The following ADAMTSL3 variants were observed in gnomAD, a reference collection of about 807,000 sequenced individuals.
The protein encoded by ADAMTSL3 is ADAMTS like 3, also known as ADAMTS-like protein 3.
A neutral mutation model predicts 201.7 loss-of-function variants in ADAMTSL3; 128 were observed. That is an observed-to-expected ratio of 0.63 (90% CI 0.55 to 0.73). The LOEUF (loss-of-function observed/expected upper bound fraction) is 0.73, where lower values mean the gene tolerates loss of function less well. Among genes scored for constraint, ADAMTSL3 ranks in the 30% least tolerant of loss-of-function variants. The probability of loss-of-function intolerance (pLI) is 0.00; values close to 1 mark genes in which losing one functional copy is unlikely to be tolerated. For missense variants in ADAMTSL3, 1,990 were observed against 2,119.6 expected, an observed-to-expected ratio of 0.94 and a Z score of 1.20; for synonymous variants, 738 against 748.4, an observed-to-expected ratio of 0.99 and a Z score of 0.23.
chr15:83,995,561 G>A (rs1337146462), intron 23 of ADAMTSL3, among the ~76,000 whole-genome samples: 1 of 151,890 alleles, frequency 6.6e-6, no homozygotes, highest in Non-Finnish European at 1.5e-5. Context: ...AGAAAAATTA[G>A]AACTAGAAAA....
intron 2 of ADAMTSL3, among the ~76,000 whole-genome samples, chr15:83,700,464 A>T (rs970678378): frequency 6.6e-6 from 1 of 152,198 alleles, no homozygotes; most frequent in African/African-American, 2.4e-5. Flanking sequence ...CTCTTTAGGT[A>T]TTTAAAATGA....
intron 7 of ADAMTSL3, among the ~76,000 whole-genome samples, chr15:83,847,617 T>A (rs914130138): frequency 6.6e-6 from 1 of 151,816 alleles, no homozygotes; most frequent in Non-Finnish European, 1.5e-5. Flanking sequence ...TGCCTCAGCC[T>A]CCTGAATAGC....
chr15:83,983,023 A>C lies in ADAMTSL3; in HGVS notation c.3395A>C (p.Gln1132Pro), dbSNP rs1217590795. 1.2e-6 allele frequency: 2 copies of C among 1,614,210 alleles called. No individual in the cohort carries two copies. The highest frequency in any genetic ancestry group is 3.3e-5 in the Admixed American group (2 of 60,032). The change falls in exon 21 of 30, where the codon CAG becomes CCG. Residue 1132 changes from glutamine (Q) to proline (P), a missense_variant. Transcript: ENST00000286744. ...CTGGTGGCCGAATTAGCCAAGGCACAGCCAACACACATGCAGTGGCGGGGC... is the reference window on the plus strand; with the variant it reads ...CTGGTGGCCGAATTAGCCAAGGCACCGCCAACACACATGCAGTGGCGGGGC... Reference protein sequence around the residue: ...YQLVAELAKAQPTHMQWRGIQ... With the variant: ...YQLVAELAKAPPTHMQWRGIQ...
rs35104757 is a variant in ADAMTSL3, at chr15:83,837,818, A to G, written c.601-271A>G. ...TCTTGTCTTGAAAAAAAAAAAAGAC[A>G]GAAATCTGAATAAAAATATAAATAG... On this transcript the variant is annotated intron_variant, in intron 6 of 29. Transcript: ENST00000286744. 0.17 allele frequency among the ~76,000 whole-genome samples: 24,959 copies of G among 151,126 alleles called. 2,206 individuals carry two copies. Among genetic ancestry groups the G allele is most frequent in the Middle Eastern group, 0.34 (98 of 288 alleles).
At chr15:83,687,579 T>TA (rs1343461405) in intron 2 of ADAMTSL3, among the ~76,000 whole-genome samples, 1 of 152,164 alleles carries the variant, frequency 6.6e-6, no homozygotes, top group Non-Finnish European at 1.5e-5. Context: ...CTGTCCTCTT[T>TA]TGCTTGCAAG....
chr15:83,963,733 C>A (rs1221102389), intron 19 of ADAMTSL3, among the ~76,000 whole-genome samples: 2 of 152,222 alleles, frequency 1.3e-5, no homozygotes, highest in African/African-American at 4.8e-5. Flanking sequence ...TCAGTAGGGG[C>A]TGACAGACAC....
intron 2 of ADAMTSL3, among the ~76,000 whole-genome samples, chr15:83,676,718 T>C (rs1368622879): frequency 6.6e-6 from 1 of 152,184 alleles, no homozygotes; most frequent in Non-Finnish European, 1.5e-5. Flanking sequence ...TCCAAGGTTA[T>C]GGTATTAGGA....
At chr15:83,792,555 G>A (rs181244287) in intron 4 of ADAMTSL3, among the ~76,000 whole-genome samples, 161 of 152,188 alleles carry the variant, frequency 1.1e-3, no homozygotes, top group Middle Eastern at 3.4e-3. Flanking sequence ...AGGCTGAGGC[G>A]GGTGGAGCAA....
intron 3 of ADAMTSL3, among the ~76,000 whole-genome samples, chr15:83,718,039 A>T (rs1199438603): frequency 6.6e-6 from 1 of 152,202 alleles, no homozygotes; most frequent in Non-Finnish European, 1.5e-5. Context: ...AAATTAAGTG[A>T]AAACTCTATA....
At chr15:84,011,899 A>G (rs980024816) in intron 23 of ADAMTSL3, among the ~76,000 whole-genome samples, 1 of 152,238 alleles carries the variant, frequency 6.6e-6, no homozygotes, top group Non-Finnish European at 1.5e-5. Context: ...GATGTATAAC[A>G]TCTACCTATG....
chr15:83,902,657 A>T (rs757321901), intron 15 of ADAMTSL3, among the ~76,000 whole-genome samples: 1 of 152,058 alleles, frequency 6.6e-6, no homozygotes, highest in Non-Finnish European at 1.5e-5. Context: ...GCCCAATGGG[A>T]CTTGGCAGGG....
chr15:84,011,426 G>A (rs1310676215), intron 23 of ADAMTSL3, among the ~76,000 whole-genome samples: 4 of 152,180 alleles, frequency 2.6e-5, no homozygotes, highest in East Asian at 3.8e-4. Context: ...AGACTGAGTA[G>A]CTTATAAACA....
At chr15:83,960,060 G>A (rs1193325078) in intron 19 of ADAMTSL3, among the ~76,000 whole-genome samples, 1 of 152,104 alleles carries the variant, frequency 6.6e-6, no homozygotes, top group Non-Finnish European at 1.5e-5. Flanking sequence ...GAAACTCCTA[G>A]ATGATGTTTT....
intron 7 of ADAMTSL3, among the ~76,000 whole-genome samples, chr15:83,848,053 T>C (rs1382980689): frequency 6.6e-6 from 1 of 151,926 alleles, no homozygotes; most frequent in Non-Finnish European, 1.5e-5. Flanking sequence ...TGTGTGTGTG[T>C]GTTTGAATCT....
chr15:83,865,847 T>G (rs1024651235), intron 8 of ADAMTSL3, among the ~76,000 whole-genome samples: 4 of 151,784 alleles, frequency 2.6e-5, no homozygotes, highest in African/African-American at 9.7e-5. Flanking sequence ...TGGGAGAAAA[T>G]TTTTGCAATC....
intron 6 of ADAMTSL3, among the ~76,000 whole-genome samples, chr15:83,828,087 G>T (rs1014208233): frequency 2.0e-5 from 3 of 152,158 alleles, no homozygotes; most frequent in Non-Finnish European, 4.4e-5. Context: ...GCTTGATGGG[G>T]ATGGCATTGA....
chr15:83,984,682 A>G (rs764820224), intron 21 of ADAMTSL3, among the ~76,000 whole-genome samples: 6 of 152,238 alleles, frequency 3.9e-5, no homozygotes, highest in Non-Finnish European at 7.3e-5. Context: ...TAATGGGCCT[A>G]TAACATGTTC....
intron 7 of ADAMTSL3, among the ~76,000 whole-genome samples, chr15:83,856,773 A>C (rs1445981248): frequency 1.3e-5 from 2 of 152,184 alleles, no homozygotes; most frequent in African/African-American, 4.8e-5. Flanking sequence ...CATGATCATC[A>C]ATGTACCAAT....
chr15:84,021,542 A>T lies in ADAMTSL3; in HGVS notation c.4406A>T (p.Gln1469Leu), dbSNP rs1413922405. The change falls in exon 26 of 30, where the codon CAG becomes CTG. Residue 1469 changes from glutamine (Q) to leucine (L), a missense_variant. Coordinates refer to ENST00000286744, the MANE Select transcript of ADAMTSL3 (RefSeq NM_207517.3). ...AGTGAGGCCCTGTGTGATCACCTCC[A>T]GAAGCCACTGGCTGGGTTTGAGCCC... ...EVSEALCDHL[Q>L]KPLAGFEPCN... 6.2e-7 allele frequency: 1 copy of T among 1,614,036 alleles called. No individual in the cohort carries two copies. The highest frequency in any genetic ancestry group is 8.5e-7 in the Non-Finnish European group (1 of 1,179,998).
Sources: gnomAD v4.1 joint callset for allele counts (sites outside exome capture counted in the v4.1 genomes callset) on GRCh38, gnomAD v4.1.1 for gene constraint, MANE v1.5 for transcripts, NCBI Gene and HGNC (gene_info 2026-07-23, HGNC 2026-07-21) for gene names.